The following NUDCD3 variants were observed in gnomAD, a reference collection of about 807,000 sequenced individuals.
NUDCD3 encodes the protein NudC domain containing 3.
NUDCD3 carries 13 observed loss-of-function variants against 39.7 expected under a neutral mutation model. The observed-to-expected ratio is 0.33, with a 90% confidence interval of 0.21 to 0.52. The LOEUF is 0.52. Among genes scored for constraint, NUDCD3 ranks in the 20% least tolerant of loss-of-function variants. NUDCD3 has a pLI of 0.96. For synonymous variants in NUDCD3, 175 were observed against 172.4 expected, an observed-to-expected ratio of 1.02 and a Z score of -0.12; for missense variants, 453 against 458.1, an observed-to-expected ratio of 0.99 and a Z score of 0.10.
chr7:44,459,349 C>T (rs1052567731), intron 2 of NUDCD3, among the ~76,000 whole-genome samples: 3 of 151,928 alleles, frequency 2.0e-5, no homozygotes, highest in African/African-American at 4.8e-5. Context: ...TAGGCATGCA[C>T]CACCATGCCT....
At chr7:44,386,250 C>T (rs1798400186) in intron 5 of NUDCD3, 129 bp from the exon 6 acceptor site, 3 of 995,380 alleles carry the variant, frequency 3.0e-6, no homozygotes, top group Non-Finnish European at 4.5e-6. Context: ...CTGGCAAGAC[C>T]GGCTGGCCAG....
At chr7:44,454,333 T>C (rs1799852152) in intron 2 of NUDCD3, among the ~76,000 whole-genome samples, 2 of 152,214 alleles carry the variant, frequency 1.3e-5, no homozygotes, top group East Asian at 1.9e-4. Flanking sequence ...AGTGAGACTC[T>C]GTCTCAAAAA....
chr7:44,490,601 G>A lies in NUDCD3; in HGVS notation c.-1C>T, dbSNP rs376730820. 4.8e-5 allele frequency: 77 copies of A among 1,603,050 alleles called. No homozygotes were observed. Among genetic ancestry groups the A allele is most frequent in the Non-Finnish European group, 5.6e-5 (66 of 1,175,074 alleles). On this transcript the variant is annotated 5_prime_UTR_variant, in exon 1 of 6. Coordinates refer to ENST00000355451, the MANE Select transcript of NUDCD3 (RefSeq NM_015332.4). ...ACAGCTCGGCCGCCCCTGTCTCCAT[G>A]TCGCCTCCCGCCCTAGGTACGCTTC...
At chr7:44,468,353 A>G (rs1800174896) in intron 2 of NUDCD3, 1 of 1,165,068 alleles carries the variant, frequency 8.6e-7, no homozygotes, top group Non-Finnish European at 1.2e-6. Context: ...AAACTGCAAA[A>G]AAAAAAAAAA....
chr7:44,430,557 C>T (rs1799340547), intron 2 of NUDCD3, among the ~76,000 whole-genome samples: 1 of 141,050 alleles, frequency 7.1e-6, no homozygotes, highest in Non-Finnish European at 1.5e-5. Context: ...AAAATACCCA[C>T]ACACACACAC....
chr7:44,427,604 C>G lies in NUDCD3; in HGVS notation c.609G>C (p.Val203=). ...CCTTCACCACGTGCTTGGGTACTGG[C>G]ACCCTGACCTCCAGGTCAGTATAGT... The part of the protein sequence containing the change: ...SQDYTDLEVR[V]PVPKHVVKGK... The change falls in exon 3 of 6, where the codon GTG becomes GTC. Residue 203 remains valine (V), a synonymous_variant. Transcript: ENST00000355451. 6.2e-7 allele frequency: 1 copy of G among 1,613,528 alleles called. No individual in the cohort carries two copies. Among genetic ancestry groups the G allele is most frequent in the Non-Finnish European group, 8.5e-7 (1 of 1,179,668 alleles).
At chr7:44,390,135 C>T (rs1798484743) in intron 5 of NUDCD3, among the ~76,000 whole-genome samples, 1 of 152,078 alleles carries the variant, frequency 6.6e-6, no homozygotes, top group Non-Finnish European at 1.5e-5. Context: ...GAGGCTAAAG[C>T]AGGTGGATCA....
chr7:44,397,046 C>G, intron 4 of NUDCD3, among the ~76,000 whole-genome samples: 1 of 152,190 alleles, frequency 6.6e-6, no homozygotes, highest in South Asian at 2.1e-4. Context: ...GTCACATCTC[C>G]ATGAGCTACT....
At chr7:44,482,673 C>T (rs949108058) in intron 2 of NUDCD3, among the ~76,000 whole-genome samples, 2 of 152,268 alleles carry the variant, frequency 1.3e-5, no homozygotes, top group South Asian at 4.1e-4. Context: ...AATCAAAACC[C>T]AGAGACTCGA....
intron 2 of NUDCD3, among the ~76,000 whole-genome samples, chr7:44,480,221 T>C (rs1379023090): frequency 6.6e-6 from 1 of 152,204 alleles, no homozygotes; most frequent in Non-Finnish European, 1.5e-5. Flanking sequence ...TATTCTAGTC[T>C]ATTACTCAGA....
chr7:44,458,021 C>A (rs1490546679), intron 2 of NUDCD3, among the ~76,000 whole-genome samples: 2 of 152,210 alleles, frequency 1.3e-5, no homozygotes, highest in African/African-American at 4.8e-5. Flanking sequence ...TACACAAAAG[C>A]TTGTATACAA....
At position 44,473,097 on chromosome 7, in the gene NUDCD3, A is replaced by G. The variant is rs1800288863; in HGVS notation, c.509+11871T>C. On this transcript the variant is annotated intron_variant, in intron 2 of 5. Transcript: ENST00000355451. ...ACACCCCTTGGGGACTCATTAAATA[A>G]TAAGATCTACACAGCAGAATACTAC... Among the ~76,000 whole-genome samples, 2 of 136,548 alleles carry G rather than the reference A, an allele frequency of 1.5e-5. 1 individual carries two copies. The highest frequency in any genetic ancestry group is 4.7e-4 in the South Asian group (2 of 4,276). 89.6% of individuals were successfully genotyped at this position (136,548 alleles called of 152,430 possible). A position where few individuals can be genotyped will look rare whatever the true frequency, so the allele number is the denominator to read the frequency against.
intron 2 of NUDCD3, among the ~76,000 whole-genome samples, chr7:44,479,159 C>G (rs1279901759): frequency 2.0e-5 from 3 of 152,132 alleles, no homozygotes; most frequent in African/African-American, 4.8e-5. Context: ...CCCACCGGGT[C>G]CCTCCCATGA....
intron 2 of NUDCD3, among the ~76,000 whole-genome samples, chr7:44,478,400 A>G (rs1325360544): frequency 6.6e-6 from 1 of 152,164 alleles, no homozygotes; most frequent in Non-Finnish European, 1.5e-5. Flanking sequence ...AAAAAATACA[A>G]AAATTAGCCA....
chr7:44,412,951 A>AAAG (rs1554489213), intron 3 of NUDCD3, among the ~76,000 whole-genome samples: 4,281 of 143,818 alleles, frequency 0.03, 201 homozygotes, highest in Non-Finnish European at 0.046. Flanking sequence ...AAGAAAAAAA[A>AAAG]AAAGAAAGAA....
intron 2 of NUDCD3, among the ~76,000 whole-genome samples, chr7:44,475,902 A>G (rs1800358851): frequency 6.6e-6 from 1 of 152,244 alleles, no homozygotes; most frequent in Non-Finnish European, 1.5e-5. Context: ...TACATTGAGT[A>G]TAATCAGAAA....
Position 44,392,364 on chromosome 7 carries a change from G to A in NUDCD3, c.908C>T (p.Ala303Val), listed in dbSNP as rs369206508. 9.3e-6 allele frequency: 15 copies of A among 1,614,036 alleles called. No individual in the cohort carries two copies. The highest frequency in any genetic ancestry group is 4.5e-5 in the East Asian group (2 of 44,902). Residue 303 changes from alanine to valine, a missense_variant, in exon 5 of 6, where the codon GCG (alanine) becomes GTG (valine). Physicochemically the swap from Ala to Val is moderately conservative, Grantham distance 64 (BLOSUM62 0). Coordinates refer to ENST00000355451, the MANE Select transcript of NUDCD3 (RefSeq NM_015332.4). Reference sequence around the variant, plus strand: ...GTCAAAGGTAAGCCTGTCCAACACCGCCTGTTCCTCCTCATCCACGGTGGC... The same window carrying A: ...GTCAAAGGTAAGCCTGTCCAACACCACCTGTTCCTCCTCATCCACGGTGGC... ...SMATVDEEEQAVLDRLTFDYH... is the reference protein window; with the variant it reads ...SMATVDEEEQVVLDRLTFDYH...
chr7:44,398,952 A>G (rs1798673310), intron 4 of NUDCD3, among the ~76,000 whole-genome samples: 1 of 152,222 alleles, frequency 6.6e-6, no homozygotes, highest in South Asian at 2.1e-4. Flanking sequence ...CAATCTCCTG[A>G]TTTTCAATGC....
At position 44,412,650 on chromosome 7, in the gene NUDCD3, G is replaced by A. The variant is rs1057010253; in HGVS notation, c.643-8067C>T. Among the ~76,000 whole-genome samples, 46 of 152,132 alleles carry A rather than the reference G, an allele frequency of 3.0e-4. 1 individual carries two copies. The highest frequency in any genetic ancestry group is 1.3e-4 in the Non-Finnish European group (9 of 68,028). The stretch of plus-strand genomic sequence containing the variant: ...TAAATTAGAAACCATTGGCAGGGCC[G>A]GGCGCAGTGGCTCACGCCTATAATC... On this transcript the variant is annotated intron_variant, in intron 3 of 5. Coordinates refer to ENST00000355451, the MANE Select transcript of NUDCD3 (RefSeq NM_015332.4).
Sources: allele counts gnomAD v4.1 joint callset (sites outside exome capture counted in the v4.1 genomes callset), GRCh38; gene constraint gnomAD v4.1.1; transcripts MANE v1.5; gene names NCBI Gene and HGNC (gene_info 2026-07-23, HGNC 2026-07-21).